SLC48A1: variants seen among roughly 807,000 people sequenced by gnomAD.
SLC48A1 encodes the protein solute carrier family 48 member 1.
In SLC48A1, 6 loss-of-function variants were observed where a neutral mutation model predicts 14.8. That is an observed-to-expected ratio of 0.41 (90% CI 0.22 to 0.80). The LOEUF (loss-of-function observed/expected upper bound fraction) is 0.80. Among genes scored for constraint, SLC48A1 ranks in the 30% least tolerant of loss-of-function variants. SLC48A1 has a pLI of 0.34. For synonymous variants in SLC48A1, 89 were observed against 90.0 expected (o/e 0.99, Z 0.06); for missense variants, 165 against 204.8 (o/e 0.81, Z 1.19).
upstream of SLC48A1, among the ~76,000 whole-genome samples, chr12:47,771,932 CAAA>C (rs372095423): frequency 1.6e-5 from 2 of 125,086 alleles, no homozygotes; most frequent in African/African-American, 3.0e-5. Flanking sequence ...GACTCCGTCT[CAAA>C]AAAAAAAAAA....
upstream of SLC48A1, among the ~76,000 whole-genome samples, chr12:47,766,892 G>T (rs996393211): frequency 6.6e-6 from 1 of 152,172 alleles, no homozygotes; most frequent in Non-Finnish European, 1.5e-5. Flanking sequence ...GGCAGCCCTA[G>T]CCCTGGGGAG....
chr12:47,763,232 G>A (rs1210561313), intron 2 of SLC48A1, among the ~76,000 whole-genome samples: 3 of 152,148 alleles, frequency 2.0e-5, no homozygotes, highest in African/African-American at 7.2e-5. Context: ...TCCTACTCAT[G>A]TCTCCTCTAT....
upstream of SLC48A1, among the ~76,000 whole-genome samples, chr12:47,770,103 C>T (rs567263609): frequency 5.3e-4 from 81 of 152,270 alleles, no homozygotes; most frequent in Non-Finnish European, 1.0e-3. Context: ...AGCTAGGCCT[C>T]TGACCCCACC....
intron 1 of SLC48A1, among the ~76,000 whole-genome samples, chr12:47,773,946 G>A (rs959121456): frequency 1.4e-4 from 22 of 152,246 alleles, no homozygotes; most frequent in Admixed American, 1.3e-3. Flanking sequence ...GGGTGGCTGG[G>A]GAAGCCCATC....
upstream of SLC48A1, chr12:47,758,115 ACGACTGGGG>A (rs1317766049): frequency 6.5e-7 from 1 of 1,537,688 alleles, no homozygotes; most frequent in African/African-American, 1.4e-5. Context: ...GCCATGGGAC[ACGACTGGGG>A]CGGCTGGGCC....
upstream of SLC48A1, chr12:47,757,742 G>T (rs536547017): frequency 2.9e-5 from 26 of 907,308 alleles, no homozygotes; most frequent in Non-Finnish European, 3.9e-5. Flanking sequence ...CAGTGTCCAC[G>T]GCAGCTGTAC....
upstream of SLC48A1, chr12:47,758,009 G>C (rs772984385): frequency 1.3e-6 from 2 of 1,575,056 alleles, no homozygotes; most frequent in Non-Finnish European, 1.7e-6. Context: ...CCCACCCGCG[G>C]TGCTCCCAGA....
At chr12:47,758,257 G>T (rs1305801582), upstream of SLC48A1, 2 of 1,433,024 alleles carry the variant, frequency 1.4e-6, no homozygotes, top group Non-Finnish European at 1.8e-6. Context: ...GGGCCTGCCG[G>T]TCTGGCGCAC....
upstream of SLC48A1, chr12:47,756,234 C>T (rs991312457): frequency 4.6e-5 from 7 of 152,244 alleles, no homozygotes; most frequent in Non-Finnish European, 7.3e-5. Context: ...CCCTCCCAGA[C>T]TTCAGGTCCC....
rs751536550 is a variant in SLC48A1, at chr12:47,779,143, C to T, written c.252C>T (p.Val84=). 9.7e-6 allele frequency: 15 copies of T among 1,551,798 alleles called. No homozygotes were observed. In the South Asian group the frequency reaches 1.4e-4, roughly 15 times the overall value. ...FFFVGVLFSA[V]SIAAFCTFLV... ...TCGTGGGCGTCCTCTTCTCGGCCGT[C>T]TCCATCGCTGCCTTCTGCACCTTCC... Residue 84 remains valine, a synonymous_variant, in exon 2 of 3, where the codon GTC becomes GTT. Transcript: ENST00000442218.
intron 1 of SLC48A1, among the ~76,000 whole-genome samples, chr12:47,774,388 C>G (rs954924214): frequency 2.0e-5 from 3 of 152,120 alleles, no homozygotes; most frequent in African/African-American, 4.8e-5. Context: ...GTAGGCCTTA[C>G]GATTATGTCC....
intron 1 of SLC48A1, among the ~76,000 whole-genome samples, chr12:47,778,076 C>G (rs1405135808): frequency 6.6e-6 from 1 of 152,190 alleles, no homozygotes; most frequent in Non-Finnish European, 1.5e-5. Context: ...TGTCCCTTGC[C>G]GGGATCCACC....
At chr12:47,758,153 G>T, upstream of SLC48A1, 1 of 1,502,908 alleles carries the variant, frequency 6.7e-7, no homozygotes. Context: ...ACTGCCCCAG[G>T]CAGAACTACT....
At position 47,779,158 on chromosome 12, in the gene SLC48A1, C is replaced by G; in HGVS notation, c.267C>G (p.Phe89Leu). The change falls in exon 2 of 3, where the codon TTC (phenylalanine) becomes TTG (leucine). Residue 89 changes from phenylalanine to leucine, a missense_variant. Coordinates refer to ENST00000442218, the MANE Select transcript of SLC48A1 (RefSeq NM_017842.3). ...TCTCGGCCGTCTCCATCGCTGCCTT[C>G]TGCACCTTCCTCGTGCTGGCCATCA... ...VLFSAVSIAA[F>L]CTFLVLAITR... 6.4e-7 allele frequency: 1 copy of G among 1,551,898 alleles called. No individual in the cohort carries two copies. Among genetic ancestry groups the G allele is most frequent in the Non-Finnish European group, 8.7e-7 (1 of 1,147,034 alleles).
chr12:47,760,072 G>T (rs1942330734), intron 1 of SLC48A1: 1 of 395,264 alleles, frequency 2.5e-6, no homozygotes, highest in Non-Finnish European at 3.4e-6. Flanking sequence ...AATTTTAATT[G>T]TGATTAAAAT....
chr12:47,760,710 C>T (rs563775139), intron 2 of SLC48A1, among the ~76,000 whole-genome samples: 10 of 151,030 alleles, frequency 6.6e-5, no homozygotes, highest in African/African-American at 2.2e-4. Context: ...GTTATCCTCA[C>T]GTCACAGATG....
upstream of SLC48A1, among the ~76,000 whole-genome samples, chr12:47,767,336 G>A (rs1200875826): frequency 6.6e-6 from 1 of 152,214 alleles, no homozygotes; most frequent in African/African-American, 2.4e-5. Context: ...GCCCCCTAGA[G>A]CCAGGGTCAA....
At chr12:47,755,883 C>G (rs1187031573), upstream of SLC48A1, 2 of 152,228 alleles carry the variant, frequency 1.3e-5, no homozygotes, top group African/African-American at 2.4e-5. Flanking sequence ...CTCACGGAAG[C>G]CTTCCCTGGG....
Position 47,758,800 on chromosome 12 carries a change from G to C in SLC48A1, c.-373+140G>C. 5 of 1,236,240 alleles carry C rather than the reference G, an allele frequency of 4.0e-6. No individual in the cohort carries two copies. The South Asian group carries it at 1.7e-4, about 41-fold the overall frequency. The allele number at this position is 1,236,240 out of a possible 1,614,324, so 76.6% of individuals were successfully genotyped here. On this transcript the variant is annotated intron_variant, in intron 1 of 4. Coordinates refer to the SLC48A1 transcript ENST00000547002. ...GGTGGGGGGACGCCACCCAGCCACC[G>C]GCGACAGGGAGCCCCGAGCCTGCGC...
Sources: gnomAD v4.1 joint callset for allele counts (sites outside exome capture counted in the v4.1 genomes callset) on GRCh38, gnomAD v4.1.1 for gene constraint, MANE v1.5 for transcripts, NCBI Gene and HGNC (gene_info 2026-07-23, HGNC 2026-07-21) for gene names.